ARHGAP26: variants seen among roughly 807,000 people sequenced by gnomAD.
ARHGAP26 encodes Rho GTPase activating protein 26.
Under a neutral mutation model 104.8 loss-of-function variants are expected in ARHGAP26, and 38 were observed. The observed-to-expected ratio is 0.36, with a 90% CI of 0.28 to 0.48. The LOEUF (loss-of-function observed/expected upper bound fraction) is 0.48. ARHGAP26 is among the 20% of genes least tolerant of loss of function. The pLI is 0.99. For missense variants in ARHGAP26, 704 were observed against 947.9 expected (o/e 0.74, Z 3.38); for synonymous variants, 341 against 340.0 (o/e 1.00, Z -0.03).
intron 17 of ARHGAP26, among the ~76,000 whole-genome samples, chr5:143,063,622 A>G (rs1787065608): frequency 6.6e-6 from 1 of 152,174 alleles, no homozygotes. Context: ...TGTTGGGCAA[A>G]TGCATGAAGA....
intron 11 of ARHGAP26, among the ~76,000 whole-genome samples, chr5:143,006,532 T>G (rs1328295147): frequency 3.9e-5 from 6 of 152,066 alleles, no homozygotes; most frequent in African/African-American, 1.4e-4. Context: ...TGAGGGAGCC[T>G]CCCTAAGACA....
At chr5:142,914,089 AC>A (rs1472044804) in intron 10 of ARHGAP26, among the ~76,000 whole-genome samples, 5 of 152,248 alleles carry the variant, frequency 3.3e-5, no homozygotes, top group African/African-American at 1.2e-4. Context: ...TATTAAAAAA[AC>A]ATTATACCAT....
chr5:142,831,505 T>G (rs902035434), intron 1 of ARHGAP26, among the ~76,000 whole-genome samples: 1 of 152,200 alleles, frequency 6.6e-6, no homozygotes, highest in African/African-American at 2.4e-5. Flanking sequence ...TGGCTTGATT[T>G]CTAGGGTTCC....
At chr5:142,891,430 C>G (rs571800537) in intron 5 of ARHGAP26, among the ~76,000 whole-genome samples, 1 of 151,918 alleles carries the variant, frequency 6.6e-6, no homozygotes, top group Non-Finnish European at 1.5e-5. Context: ...GCATGAGAGA[C>G]TTGAATATAT....
At chr5:143,183,746 T>C (rs1237322931) in intron 20 of ARHGAP26, among the ~76,000 whole-genome samples, 1 of 152,138 alleles carries the variant, frequency 6.6e-6, no homozygotes, top group Non-Finnish European at 1.5e-5. Flanking sequence ...ACCAACTCCT[T>C]AGTGTCTGAT....
At chr5:142,855,376 G>T (rs1449502600) in intron 1 of ARHGAP26, among the ~76,000 whole-genome samples, 1 of 152,162 alleles carries the variant, frequency 6.6e-6, no homozygotes, top group African/African-American at 2.4e-5. Flanking sequence ...GAGATGAAAT[G>T]AAGTGGAGGT....
intron 1 of ARHGAP26, among the ~76,000 whole-genome samples, chr5:142,788,719 T>G (rs1759166430): frequency 6.6e-6 from 1 of 152,212 alleles, no homozygotes; most frequent in African/African-American, 2.4e-5. Context: ...GTGCTTAGGT[T>G]ATATGCAAAT....
At chr5:143,093,588 CTT>C (rs1334552621) in intron 17 of ARHGAP26, among the ~76,000 whole-genome samples, 2 of 149,952 alleles carry the variant, frequency 1.3e-5, no homozygotes, top group African/African-American at 4.9e-5. Context: ...CTGCCTCACT[CTT>C]TCTCTCTGTC....
rs967615552 is a variant in ARHGAP26, at chr5:143,056,078, A to G, written c.1424A>G (p.Lys475Arg). ...TACCAGTTTCAAAGAAGTTTCATCA[A>G]AGCAGCAAGTAAGTCTTTTTTGTCT... ...MMYQFQRSFI[K>R]AAKLENQESR... The change falls in exon 16 of 23, where the codon AAA becomes AGA. Residue 475 changes from lysine (K) to arginine (R), a missense_variant. Lys to Arg is a conservative substitution (Grantham distance 26). This residue lies in a region of ARHGAP26 where 287 missense variants were observed against 438.8 expected (regional missense o/e 0.65). Transcript: ENST00000645722. 1 of 1,613,162 alleles carries G rather than the reference A, an allele frequency of 6.2e-7. No individual in the cohort carries two copies. Among genetic ancestry groups the G allele is most frequent in the Non-Finnish European group, 8.5e-7 (1 of 1,179,436 alleles).
At chr5:142,885,453 G>A in intron 5 of ARHGAP26, 54 bp downstream of exon 5, 1 of 1,475,848 alleles carries the variant, frequency 6.8e-7, no homozygotes, top group South Asian at 1.2e-5. Context: ...ACATGATGCT[G>A]TGGATATGTG....
intron 8 of ARHGAP26, 78 bp downstream of exon 8, chr5:142,903,747 C>A: frequency 6.9e-7 from 1 of 1,458,056 alleles, no homozygotes; most frequent in Admixed American, 2.2e-5. Flanking sequence ...TTCAGCAGTG[C>A]CTACCTTACT....
intron 17 of ARHGAP26, among the ~76,000 whole-genome samples, chr5:143,079,905 C>T (rs746192423): frequency 1.4e-4 from 21 of 152,162 alleles, no homozygotes; most frequent in Admixed American, 6.5e-5. Context: ...TGTTGCCTCA[C>T]ATGGTCTTCT....
chr5:142,995,803 A>G (rs1034288122), intron 11 of ARHGAP26, among the ~76,000 whole-genome samples: 2 of 152,220 alleles, frequency 1.3e-5, no homozygotes, highest in Non-Finnish European at 2.9e-5. Flanking sequence ...AAAATATGGC[A>G]CATATACACC....
chr5:142,845,975 C>G lies in ARHGAP26; in HGVS notation c.155-27425C>G, dbSNP rs540727293. On this transcript the variant is annotated intron_variant, in intron 1 of 22. Transcript: ENST00000645722. ...ACTTCACTCACATGCCTTTTTTTCC[C>G]CTGTGAGACCAATCACGTTTTGATT... Among the ~76,000 whole-genome samples the G allele has an allele frequency of 6.6e-5, 10 of 152,236 alleles. No individual in the cohort carries two copies. In the East Asian group the frequency reaches 9.7e-4, roughly 15 times the overall value.
intron 11 of ARHGAP26, among the ~76,000 whole-genome samples, chr5:142,990,306 C>A (rs556157047): frequency 6.6e-6 from 1 of 152,152 alleles, no homozygotes; most frequent in South Asian, 2.1e-4. Flanking sequence ...CAGCTCCATC[C>A]GGTCATTTAA....
intron 17 of ARHGAP26, among the ~76,000 whole-genome samples, chr5:143,080,884 A>G (rs1006144317): frequency 2.0e-5 from 3 of 152,160 alleles, no homozygotes; most frequent in Non-Finnish European, 4.4e-5. Flanking sequence ...GCAGTAGTGC[A>G]GATGAAAGAC....
chr5:143,183,052 C>T (rs955224319), intron 20 of ARHGAP26, among the ~76,000 whole-genome samples: 1 of 145,900 alleles, frequency 6.9e-6, no homozygotes, highest in Non-Finnish European at 1.5e-5. Context: ...TCTCCTTATG[C>T]CTCATGCAAA....
At chr5:143,112,919 A>C (rs1318178380) in intron 17 of ARHGAP26, among the ~76,000 whole-genome samples, 1 of 152,254 alleles carries the variant, frequency 6.6e-6, no homozygotes, top group Non-Finnish European at 1.5e-5. Context: ...TACAATAAAA[A>C]TGGGTGTACA....
chr5:142,853,233 G>A (rs1049779087), intron 1 of ARHGAP26, among the ~76,000 whole-genome samples: 3 of 151,990 alleles, frequency 2.0e-5, no homozygotes, highest in African/African-American at 7.3e-5. Flanking sequence ...CGCCTAGGCT[G>A]GAGTGCACTG....
Sources: gnomAD v4.1 joint callset for allele counts (sites outside exome capture counted in the v4.1 genomes callset) on GRCh38, gnomAD v4.1.1 for gene constraint, gnomAD v4.1.1 regional missense constraint, MANE v1.5 for transcripts, NCBI Gene and HGNC (gene_info 2026-07-23, HGNC 2026-07-21) for gene names.